Variants in PRKG1 observed in about 807,000 individuals in gnomAD.
The protein encoded by PRKG1 is cGMP-dependent protein kinase 1.
Under a neutral mutation model 88.1 loss-of-function variants are expected in PRKG1, and 35 were observed. The ratio of observed to expected loss-of-function variants is 0.40; its 90% confidence interval spans 0.30 to 0.53. PRKG1 has a LOEUF of 0.53. PRKG1 is among the 20% of genes least tolerant of loss of function. The pLI, the probability that PRKG1 is intolerant of heterozygous loss-of-function variation, is 0.59. For missense variants in PRKG1, 540 were observed against 839.8 expected (o/e 0.64, Z 4.41); for synonymous variants, 303 against 292.5 (o/e 1.04, Z -0.37).
chr10:51,307,648 A>G (rs571752791), intron 2 of PRKG1, among the ~76,000 whole-genome samples: 1 of 152,308 alleles, frequency 6.6e-6, no homozygotes, highest in South Asian at 2.1e-4. Context: ...AGTAGAGGCA[A>G]TAAGCATTAG....
At chr10:52,264,189 G>GC in intron 10 of PRKG1, among the ~76,000 whole-genome samples, 1 of 152,036 alleles carries the variant, frequency 6.6e-6, no homozygotes, top group Non-Finnish European at 1.5e-5. Context: ...TCTGGCAACG[G>GC]GAATATTGGG....
chr10:51,984,555 G>C (rs959836173), intron 5 of PRKG1, among the ~76,000 whole-genome samples: 1 of 152,174 alleles, frequency 6.6e-6, no homozygotes, highest in Non-Finnish European at 1.5e-5. Flanking sequence ...AACAGGAACA[G>C]GGCAGGTGGA....
intron 2 of PRKG1, among the ~76,000 whole-genome samples, chr10:51,437,272 G>T (rs1401090026): frequency 6.6e-6 from 1 of 151,812 alleles, no homozygotes; most frequent in African/African-American, 2.4e-5. Context: ...TTCATGTAAG[G>T]AACTAGACTA....
At chr10:52,200,501 A>G (rs1031928727) in intron 9 of PRKG1, among the ~76,000 whole-genome samples, 5 of 152,134 alleles carry the variant, frequency 3.3e-5, no homozygotes, top group African/African-American at 1.2e-4. Flanking sequence ...GCTATTGTGA[A>G]TGGTGCTGCT....
At chr10:51,196,815 T>A (rs1002180086) in intron 2 of PRKG1, among the ~76,000 whole-genome samples, 1 of 152,230 alleles carries the variant, frequency 6.6e-6, no homozygotes, top group African/African-American at 2.4e-5. Flanking sequence ...TTGGCCACTT[T>A]CTGCAGATGA....
chr10:51,460,136 C>T (rs185013943), intron 2 of PRKG1, among the ~76,000 whole-genome samples: 4 of 152,022 alleles, frequency 2.6e-5, no homozygotes, highest in African/African-American at 9.7e-5. Flanking sequence ...TGCCAGAGGA[C>T]CCCCTGGTTG....
chr10:51,920,792 CT>C (rs988670181), intron 5 of PRKG1, among the ~76,000 whole-genome samples: 5 of 151,976 alleles, frequency 3.3e-5, no homozygotes, highest in South Asian at 2.1e-4. Context: ...TTAAACATAA[CT>C]TTTTTTTCTC....
intron 3 of PRKG1, among the ~76,000 whole-genome samples, chr10:51,763,236 A>T (rs946484712): frequency 9.9e-5 from 15 of 151,828 alleles, no homozygotes; most frequent in South Asian, 8.3e-4. Context: ...ATTTTTTTAA[A>T]TTTTTTTATT....
intron 8 of PRKG1, among the ~76,000 whole-genome samples, chr10:52,143,268 G>A (rs924541377): frequency 5.9e-5 from 9 of 152,082 alleles, no homozygotes; most frequent in African/African-American, 2.2e-4. Context: ...CCTTGTTATA[G>A]AGCAGGGTCC....
intron 3 of PRKG1, among the ~76,000 whole-genome samples, chr10:51,594,401 A>G (rs1838389891): frequency 6.6e-6 from 1 of 152,210 alleles, no homozygotes; most frequent in Non-Finnish European, 1.5e-5. Flanking sequence ...CATAAAGTCT[A>G]GAAACAGTTG....
chr10:51,712,612 C>T (rs1404521630), intron 3 of PRKG1, among the ~76,000 whole-genome samples: 9 of 95,868 alleles, frequency 9.4e-5, no homozygotes, highest in Middle Eastern at 0.015. Flanking sequence ...TTTTTTGAGA[C>T]GGAGTCTCGC....
intron 5 of PRKG1, among the ~76,000 whole-genome samples, chr10:52,032,064 C>A (rs1358517975): frequency 6.6e-6 from 1 of 152,070 alleles, no homozygotes; most frequent in Non-Finnish European, 1.5e-5. Context: ...GAATGTTGAG[C>A]AATTTAAGTT....
intron 7 of PRKG1, among the ~76,000 whole-genome samples, chr10:52,118,703 C>T (rs1454364444): frequency 1.3e-5 from 2 of 151,716 alleles, no homozygotes; most frequent in African/African-American, 2.4e-5. Context: ...CTTTTCTTTA[C>T]AGTTGTTTCC....
chr10:52,207,951 T>C (rs1839864057), intron 9 of PRKG1, among the ~76,000 whole-genome samples: 1 of 152,134 alleles, frequency 6.6e-6, no homozygotes, highest in Non-Finnish European at 1.5e-5. Flanking sequence ...CCTGGCAGCA[T>C]CTAGTAGTCC....
At chr10:52,159,831 A>C (rs1021181022) in intron 8 of PRKG1, among the ~76,000 whole-genome samples, 5 of 151,866 alleles carry the variant, frequency 3.3e-5, no homozygotes, top group African/African-American at 1.2e-4. Flanking sequence ...CTAATAACAC[A>C]ATCTCTTAAT....
intron 5 of PRKG1, among the ~76,000 whole-genome samples, chr10:52,034,005 G>A (rs971204381): frequency 6.6e-6 from 1 of 151,656 alleles, no homozygotes; most frequent in Non-Finnish European, 1.5e-5. Flanking sequence ...GATGAGCCAG[G>A]AAAAGGACTT....
chr10:51,528,483 C>A (rs1288185989), intron 3 of PRKG1, among the ~76,000 whole-genome samples: 2 of 126,982 alleles, frequency 1.6e-5, no homozygotes, highest in African/African-American at 5.2e-5. Flanking sequence ...GACTGTCTAT[C>A]TTCTTTTGAA....
intron 3 of PRKG1, chr10:51,698,019 T>C (rs1227556605): frequency 6.2e-7 from 1 of 1,613,874 alleles, no homozygotes; most frequent in Non-Finnish European, 8.5e-7. Flanking sequence ...TGTATGCCTG[T>C]ACCCTGCATA....
chr10:52,234,536 G>A (rs902736343), intron 9 of PRKG1, among the ~76,000 whole-genome samples: 17 of 150,228 alleles, frequency 1.1e-4, no homozygotes, highest in Admixed American at 1.3e-4. Context: ...CTGAGGAGCC[G>A]ATGCGATCAA....
Sources: gnomAD v4.1 joint callset for allele counts (sites outside exome capture counted in the v4.1 genomes callset) on GRCh38, gnomAD v4.1.1 for gene constraint, MANE v1.5 for transcripts, NCBI Gene and HGNC (gene_info 2026-07-23, HGNC 2026-07-21) for gene names.